Variants in HEBP1 observed in about 807,000 individuals in gnomAD.
HEBP1 encodes the protein heme-binding protein 1.
In HEBP1, 13 loss-of-function variants were observed where a neutral mutation model predicts 20.4. That is an observed-to-expected ratio of 0.64 (90% confidence interval 0.42 to 1.01). The LOEUF (loss-of-function observed/expected upper bound fraction) is 1.01. HEBP1 is among the 50% of genes least tolerant of loss of function. The pLI, the probability that HEBP1 is intolerant of heterozygous loss-of-function variation, is 0.00. For synonymous variants in HEBP1, 92 were observed against 90.7 expected, an observed-to-expected ratio of 1.01 and a Z score of -0.08; for missense variants, 241 against 247.3, an observed-to-expected ratio of 0.97 and a Z score of 0.17.
chr12:13,000,140 A>G lies in HEBP1; in HGVS notation c.-26T>C. 6.4e-7 allele frequency: 1 copy of G among 1,565,572 alleles called. No homozygotes were observed. The highest frequency in any genetic ancestry group is 8.7e-7 in the Non-Finnish European group (1 of 1,147,420). ...GTTGTAGCCGAGACGCTCCCGACGC[A>G]CGGGAGGACGTGAGGTGGCGGGGGC... On this transcript the variant is annotated 5_prime_UTR_variant, in exon 1 of 4. Coordinates refer to ENST00000014930, the MANE Select transcript of HEBP1 (RefSeq NM_015987.5).
intron 3 of HEBP1, among the ~76,000 whole-genome samples, chr12:12,981,742 C>T (rs1394990635): frequency 6.6e-6 from 1 of 152,030 alleles, no homozygotes; most frequent in Non-Finnish European, 1.5e-5. Context: ...ACAAGAAATC[C>T]ACTATCTTTT....
chr12:12,976,374 C>A (rs755367678), intron 3 of HEBP1, among the ~76,000 whole-genome samples: 2 of 152,294 alleles, frequency 1.3e-5, no homozygotes, highest in South Asian at 4.1e-4. Flanking sequence ...CTCTCCCTTA[C>A]GTCATGTGCT....
intron 1 of HEBP1, among the ~76,000 whole-genome samples, chr12:12,992,040 C>A (rs774434896): frequency 1.3e-5 from 2 of 152,160 alleles, no homozygotes; most frequent in African/African-American, 4.8e-5. Context: ...TGGTAGGGAA[C>A]CTGGCTGCCC....
At chr12:12,977,143 A>T (rs1864000460) in intron 3 of HEBP1, among the ~76,000 whole-genome samples, 1 of 152,234 alleles carries the variant, frequency 6.6e-6, no homozygotes, top group Non-Finnish European at 1.5e-5. Flanking sequence ...TGTGTGCTCA[A>T]ATCCTAGTGC....
chr12:12,994,647 C>T (rs76393038), intron 1 of HEBP1, among the ~76,000 whole-genome samples: 2,512 of 152,240 alleles, frequency 0.017, 61 homozygotes, highest in African/African-American at 0.057. Flanking sequence ...TCACCACCTC[C>T]TCCTCCTGAG....
intron 2 of HEBP1, among the ~76,000 whole-genome samples, 156 bp from the exon 3 acceptor site, chr12:12,987,488 A>G (rs747563690): frequency 2.0e-5 from 3 of 152,254 alleles, no homozygotes; most frequent in Non-Finnish European, 4.4e-5. Context: ...ACAGAAATAC[A>G]TGAACACCTG....
rs551936939 is a variant in HEBP1 at position 12,990,307 on chromosome 12, C to T, written c.79-892G>A. On this transcript the variant is annotated intron_variant, in intron 1 of 3. Transcript: ENST00000014930. ...CTTAGGCTTCCTGAGTAAGTGGGAC[C>T]GCAGGTGCATACCACCATGCCCTGC... 5.3e-5 allele frequency among the ~76,000 whole-genome samples: 8 copies of T among 151,460 alleles called. 1 individual carries two copies. The South Asian group carries it at 1.1e-3, about 20-fold the overall frequency.
At chr12:12,992,873 T>G (rs1256389347) in intron 1 of HEBP1, among the ~76,000 whole-genome samples, 2 of 152,190 alleles carry the variant, frequency 1.3e-5, no homozygotes. Flanking sequence ...TTTTAAAGTT[T>G]ACCTAATCTA....
At chr12:12,982,204 G>T (rs144315956) in intron 3 of HEBP1, among the ~76,000 whole-genome samples, 9 of 152,250 alleles carry the variant, frequency 5.9e-5, no homozygotes, top group Non-Finnish European at 1.2e-4. Context: ...AGTGGGGAGA[G>T]GGCAATAAAT....
chr12:12,991,076 T>C (rs1451869780), intron 1 of HEBP1, among the ~76,000 whole-genome samples: 8 of 152,142 alleles, frequency 5.3e-5, no homozygotes. Context: ...ATTTGAGTAA[T>C]AACAAACCTC....
chr12:12,995,711 C>T (rs1301764882), intron 1 of HEBP1, among the ~76,000 whole-genome samples: 1 of 152,218 alleles, frequency 6.6e-6, no homozygotes, highest in Non-Finnish European at 1.5e-5. Flanking sequence ...GAATTCTCTA[C>T]TGCTGTAGAG....
In HEBP1 at chr12:12,999,921, G is replaced by A. The variant is rs374185111; in HGVS notation, c.78+116C>T. 419 of 577,592 alleles carry A rather than the reference G, an allele frequency of 7.3e-4. 6 individuals carry two copies. The East Asian group carries it at 0.011, about 15-fold the overall frequency. 35.8% of individuals were successfully genotyped at this position (577,592 alleles called of 1,614,324 possible). On this transcript the variant is annotated intron_variant, in intron 1 of 3. Coordinates refer to ENST00000014930, the MANE Select transcript of HEBP1 (RefSeq NM_015987.5). The stretch of plus-strand genomic sequence containing the variant: ...CCGCACTCGCGACAGACACCAGAAC[G>A]CACCTTCGATAGCACATTCCTGCCC...
intron 1 of HEBP1, among the ~76,000 whole-genome samples, chr12:12,993,551 G>A (rs987458466): frequency 7.0e-6 from 1 of 143,660 alleles, no homozygotes; most frequent in African/African-American, 2.6e-5. Context: ...TGCCCAGTCT[G>A]TAACCTCTCT....
chr12:13,000,143 G>A lies in HEBP1; in HGVS notation c.-29C>T. The stretch of plus-strand genomic sequence containing the variant: ...GTAGCCGAGACGCTCCCGACGCACG[G>A]GAGGACGTGAGGTGGCGGGGGCGAC... On this transcript the variant is annotated 5_prime_UTR_variant, in exon 1 of 4. Coordinates refer to ENST00000014930, the MANE Select transcript of HEBP1 (RefSeq NM_015987.5). 1 of 1,570,626 alleles carries A rather than the reference G, an allele frequency of 6.4e-7. No individual in the cohort carries two copies. The highest frequency in any genetic ancestry group is 8.7e-7 in the Non-Finnish European group (1 of 1,152,324).
rs1206721668 is a variant in HEBP1, at chr12:12,986,878, T to C, written c.398+274A>G. The C allele has an allele frequency of 5.6e-6, 2 of 354,392 alleles. No homozygotes were observed. The highest frequency in any genetic ancestry group is 8.7e-5 in the Admixed American group (2 of 22,892). 22.0% of individuals were successfully genotyped at this position (354,392 alleles called of 1,614,324 possible). ...TGCTGAGTCTCCTAGAACCCTGCTA[T>C]GGCTAATGTAGACATTCACTGTAAG... On this transcript the variant is annotated intron_variant, in intron 3 of 3. Transcript: ENST00000014930. This position sits in a 1 kb window ranked among gnomAD's most constrained non-coding sequence, Gnocchi z 4.3.
intron 3 of HEBP1, among the ~76,000 whole-genome samples, chr12:12,981,327 G>A (rs1864079366): frequency 6.6e-6 from 1 of 152,184 alleles, no homozygotes; most frequent in Admixed American, 6.5e-5. Context: ...CTGGGAGCTG[G>A]AAATATAAGG....
chr12:12,999,227 C>A (rs1358159947), intron 1 of HEBP1, among the ~76,000 whole-genome samples: 1 of 152,242 alleles, frequency 6.6e-6, no homozygotes, highest in Non-Finnish European at 1.5e-5. Context: ...AACCCTGTAT[C>A]TACTACGTTT....
At chr12:12,993,010 C>G (rs1178812267) in intron 1 of HEBP1, among the ~76,000 whole-genome samples, 1 of 152,198 alleles carries the variant, frequency 6.6e-6, no homozygotes, top group Non-Finnish European at 1.5e-5. Flanking sequence ...CAGTCTAATA[C>G]TCGTTGCAAG....
chr12:12,978,204 T>TG (rs1864022535), intron 3 of HEBP1, among the ~76,000 whole-genome samples: 1 of 128,574 alleles, frequency 7.8e-6, no homozygotes, highest in African/African-American at 3.2e-5. Flanking sequence ...AAAGGGTTTT[T>TG]TTTTTTTTTT....
Sources: gnomAD v4.1 joint callset for allele counts (sites outside exome capture counted in the v4.1 genomes callset) on GRCh38, gnomAD v4.1.1 for gene constraint, Gnocchi (gnomAD v3.1) non-coding constraint, MANE v1.5 for transcripts, NCBI Gene and HGNC (gene_info 2026-07-23, HGNC 2026-07-21) for gene names.